The following FOXM1 variants were observed in gnomAD, a reference collection of about 807,000 sequenced individuals.
FOXM1 encodes forkhead box M1.
A neutral mutation model predicts 63.6 loss-of-function variants in FOXM1; 25 were observed. That is an observed-to-expected ratio of 0.39 (90% CI 0.29 to 0.55). FOXM1 has a LOEUF of 0.55. Ranked by LOEUF, FOXM1 falls within the 20% of genes least tolerant of loss-of-function variation. The pLI is 0.60. For missense variants in FOXM1, 879 were observed against 958.7 expected, an observed-to-expected ratio of 0.92 and a Z score of 1.10; for synonymous variants, 387 against 376.9, an observed-to-expected ratio of 1.03 and a Z score of -0.31.
intron 2 of FOXM1, 108 bp downstream of exon 2, chr12:2,873,869 T>G: frequency 7.7e-7 from 1 of 1,295,014 alleles, no homozygotes; most frequent in South Asian, 1.5e-5. Flanking sequence ...TGAGCCACTG[T>G]GCTCGGCCAG....
intron 8 of FOXM1, chr12:2,863,797 C>T (rs1325247829): frequency 6.6e-6 from 1 of 152,618 alleles, no homozygotes; most frequent in Non-Finnish European, 1.5e-5. Context: ...ACTTCCCTTC[C>T]TGGGCTCATG....
At chr12:2,865,486 T>C (rs759586830) in intron 5 of FOXM1, 87 bp from the exon 6 acceptor site, 26 of 1,091,590 alleles carry the variant, frequency 2.4e-5, no homozygotes, top group Non-Finnish European at 3.3e-5. Context: ...AAAACACTTA[T>C]TCCTGACTGA....
chr12:2,873,710 T>C (rs1418805214), intron 2 of FOXM1, among the ~76,000 whole-genome samples: 2 of 151,980 alleles, frequency 1.3e-5, no homozygotes, highest in African/African-American at 2.4e-5. Flanking sequence ...CCAGAGTAGC[T>C]GGGACTACAG....
In FOXM1 at chr12:2,859,248, A is replaced by G. The variant is rs759543718; in HGVS notation, c.1682T>C (p.Leu561Pro). Residue 561 changes from leucine to proline, a missense_variant, in exon 9 of 9, where the codon CTC (leucine) becomes CCC (proline). By Grantham distance (98) the Leu-to-Pro change is moderately conservative (BLOSUM62 -3). This residue lies in a region of FOXM1 where 486 missense variants were observed against 453.5 expected (regional missense o/e 1.07). Coordinates refer to ENST00000359843, the MANE Select transcript of FOXM1 (RefSeq NM_021953.4). The stretch of plus-strand genomic sequence containing the variant: ...GGAAGTACTGGGCCCCTCTGAGAAG[A>G]GCAGCTCCGGCTCATCCACACAGGG... ...LPPCVDEPELLFSEGPSTSRW... is the reference protein window; with the variant it reads ...LPPCVDEPELPFSEGPSTSRW... The G allele has an allele frequency of 2.5e-6, 4 of 1,613,578 alleles. No individual in the cohort carries two copies. In the African/African-American group the frequency reaches 4.0e-5, roughly 16 times the overall value.
intron 8 of FOXM1, among the ~76,000 whole-genome samples, chr12:2,860,670 C>T (rs1429119389): frequency 6.6e-6 from 1 of 150,936 alleles, no homozygotes; most frequent in Non-Finnish European, 1.5e-5. Flanking sequence ...GTCAGAAGTT[C>T]GAGACCAGCC....
rs765220332 is a variant in FOXM1 at position 2,858,788 on chromosome 12, G to T, written c.2142C>A (p.Ala714=). Residue 714 remains alanine, a synonymous_variant, in exon 9 of 9, where the codon GCC becomes GCA. Coordinates refer to ENST00000359843, the MANE Select transcript of FOXM1 (RefSeq NM_021953.4). ...CCAGGCCTTCTGTCAGAGAACGATT[G>T]GCTGCAAGGCCAGAAACCTGTGGCT... is the stretch of plus-strand genomic sequence containing the variant. ...SPEPQVSGLA[A]NRSLTEGLVL... 196 of 1,614,084 alleles carry T rather than the reference G, an allele frequency of 1.2e-4. 1 individual carries two copies. Among genetic ancestry groups the T allele is most frequent in the Non-Finnish European group, 1.6e-4 (192 of 1,180,042 alleles).
At position 2,859,474 on chromosome 12, in the gene FOXM1, C is replaced by T. The variant is rs1297238308; in HGVS notation, c.1456G>A (p.Glu486Lys). 1 of 1,613,832 alleles carries T rather than the reference C, an allele frequency of 6.2e-7. No homozygotes were observed. Among genetic ancestry groups the T allele is most frequent in the East Asian group, 2.2e-5 (1 of 44,890 alleles). Residue 486 changes from glutamate to lysine, a missense_variant, in exon 9 of 9, where the codon GAG becomes AAG. This residue lies in a region of FOXM1 where 486 missense variants were observed against 453.5 expected (regional missense o/e 1.07). Transcript: ENST00000359843. ...PIKVESPPLE[E>K]WPSPAPSFKE... ...AAAGATGGGGCCGGGGAGGGCCACT[C>T]TTCCAAGGGAGGGCTCTCCACTTTG...
chr12:2,862,219 C>T (rs1260074648), intron 8 of FOXM1, among the ~76,000 whole-genome samples: 2 of 149,670 alleles, frequency 1.3e-5, no homozygotes, highest in Non-Finnish European at 3.0e-5. Context: ...GAGAAGTATG[C>T]ACAACATGAT....
chr12:2,865,222 G>C (rs771997441), intron 6 of FOXM1, 133 bp downstream of exon 6: 18 of 790,122 alleles, frequency 2.3e-5, no homozygotes, highest in Non-Finnish European at 3.5e-5. Context: ...TCTGTGTCTA[G>C]GGCTGGCACC....
At position 2,864,859 on chromosome 12, in the gene FOXM1, T is replaced by A; in HGVS notation, c.1021-107A>T. The A allele has an allele frequency of 7.7e-7, 1 of 1,290,996 alleles. No homozygotes were observed. The highest frequency in any genetic ancestry group is 1.5e-5 in the African/African-American group (1 of 68,732). 80.0% of individuals were successfully genotyped at this position (1,290,996 alleles called of 1,614,324 possible). A position where few individuals can be genotyped will look rare whatever the true frequency, so the allele number is the denominator to read the frequency against. On this transcript the variant is annotated intron_variant, in intron 6 of 8. Coordinates refer to ENST00000359843, the MANE Select transcript of FOXM1 (RefSeq NM_021953.4). This position sits in a 1 kb window ranked among gnomAD's most constrained non-coding sequence, Gnocchi z 5.1. ...CTCTGGTGGTGTGTGCTTGAGTTAA[T>A]GACAGCCCAGAGAGAGGAGGCCAAC...
At chr12:2,860,309 C>T (rs1028954835) in intron 8 of FOXM1, among the ~76,000 whole-genome samples, 31 of 151,684 alleles carry the variant, frequency 2.0e-4, no homozygotes, top group Admixed American at 1.1e-3. Flanking sequence ...TAGTGAGATC[C>T]CATCTCTACA....
Position 2,865,339 on chromosome 12 carries a change from A to G in FOXM1, c.1020+16T>C. 4 of 1,605,446 alleles carry G rather than the reference A, an allele frequency of 2.5e-6. No individual in the cohort carries two copies. The highest frequency in any genetic ancestry group is 3.4e-6 in the Non-Finnish European group (4 of 1,175,290). ...AAAACAAGGCCAAGCCCCGAGCCAG[A>G]GGGAAAGAACCTTACTGATTCCAAG... On this transcript the variant is annotated intron_variant, in intron 6 of 8. Coordinates refer to ENST00000359843, the MANE Select transcript of FOXM1 (RefSeq NM_021953.4).
chr12:2,867,809 C>T (rs2098126089), intron 4 of FOXM1, among the ~76,000 whole-genome samples: 1 of 146,126 alleles, frequency 6.8e-6, no homozygotes, highest in East Asian at 2.1e-4. Context: ...AACACTGTCT[C>T]TACTAAAAAT....
rs2098096316 is a variant in FOXM1 at position 2,858,448 on chromosome 12, T to C, written c.*190A>G. 3.6e-6 allele frequency: 2 copies of C among 563,372 alleles called. No homozygotes were observed. The highest frequency in any genetic ancestry group is 5.1e-5 in the South Asian group (2 of 39,228). 34.9% of individuals were successfully genotyped at this position (563,372 alleles called of 1,614,324 possible). ...TGGCAGGGACAGCAGAGGAATCAGA[T>C]ACTCTTGGGGAACACAAGGTCCCAG... On this transcript the variant is annotated 3_prime_UTR_variant, in exon 9 of 9. Transcript: ENST00000359843.
chr12:2,871,165 G>A (rs962666343), intron 3 of FOXM1, among the ~76,000 whole-genome samples: 3 of 151,888 alleles, frequency 2.0e-5, no homozygotes, highest in African/African-American at 7.3e-5. Context: ...ATATACCCAT[G>A]TAACACACCT....
rs2098092360 is a variant in FOXM1, at chr12:2,857,697, TTTA to T, written c.*938_*940del. The T allele has an allele frequency of 6.5e-6, 1 of 152,942 alleles. No individual in the cohort carries two copies. Among genetic ancestry groups the T allele is most frequent in the African/African-American group, 2.4e-5 (1 of 41,448 alleles). 9.5% of individuals were successfully genotyped at this position (152,942 alleles called of 1,614,324 possible). A position where few individuals can be genotyped will look rare whatever the true frequency, so the allele number is the denominator to read the frequency against. Reference sequence around the variant, plus strand: ...AGAGCCCAGCATGTCCACCTTCGCTTTTATTGAGTAGTTAGTGTTCTCAAGCTG... The same window carrying T: ...AGAGCCCAGCATGTCCACCTTCGCTTTTGAGTAGTTAGTGTTCTCAAGCTG... On this transcript the variant is annotated 3_prime_UTR_variant, in exon 9 of 9. Transcript: ENST00000359843.
rs951600700 is a variant in FOXM1, at chr12:2,864,834, C to G, written c.1021-82G>C. The G allele has an allele frequency of 1.4e-6, 2 of 1,426,480 alleles. No homozygotes were observed. The highest frequency in any genetic ancestry group is 2.8e-5 in the African/African-American group (2 of 71,244). The allele number at this position is 1,426,480 out of a possible 1,614,324, so 88.4% of individuals were successfully genotyped here. On this transcript the variant is annotated intron_variant, in intron 6 of 8. Transcript: ENST00000359843. This position sits in a 1 kb window ranked among gnomAD's most constrained non-coding sequence, Gnocchi z 5.1. ...GGGGATGGCAAAACCCCACCAGCTG[C>G]TCTGGTGGTGTGTGCTTGAGTTAAT... is the stretch of plus-strand genomic sequence containing the variant.
chr12:2,864,354 G>A lies in FOXM1; in HGVS notation c.1232C>T (p.Ala411Val). Reference protein sequence around the residue: ...LAASLMSSELARHSKRVRIAP... With the variant: ...LAASLMSSELVRHSKRVRIAP... ...AATGCGGACTCGCTTGCTATGGCGG[G>A]CAAGCTCTGAGCTCATGAGGGAAGC... Residue 411 changes from alanine to valine, a missense_variant, in exon 8 of 9, where the codon GCC becomes GTC. Coordinates refer to ENST00000359843, the MANE Select transcript of FOXM1 (RefSeq NM_021953.4). The surrounding 1 kb of genome is among the most constrained non-coding windows in gnomAD (Gnocchi z 5.1). The A allele has an allele frequency of 6.2e-7, 1 of 1,613,360 alleles. No homozygotes were observed. The highest frequency in any genetic ancestry group is 8.5e-7 in the Non-Finnish European group (1 of 1,179,494).
chr12:2,874,203 A>G lies in FOXM1; in HGVS notation c.276T>C (p.Thr92=). Reference sequence around the variant, plus strand: ...TACTGCCACTCTCTTTTCCCTTGGCAGTCAGTGCTGTGATGATGCTGTGAA... The same window carrying G: ...TACTGCCACTCTCTTTTCCCTTGGCGGTCAGTGCTGTGATGATGCTGTGAA... ...ANIHSIITAL[T]AKGKESGSSG... is the part of the protein sequence containing the mutation. Residue 92 remains threonine, a synonymous_variant, in exon 2 of 9, where the codon ACT becomes ACC. Coordinates refer to ENST00000359843, the MANE Select transcript of FOXM1 (RefSeq NM_021953.4). The surrounding 1 kb of genome is among the most constrained non-coding windows in gnomAD (Gnocchi z 4.3). 3 of 1,614,180 alleles carry G rather than the reference A, an allele frequency of 1.9e-6. No homozygotes were observed. Among genetic ancestry groups the G allele is most frequent in the Non-Finnish European group, 2.5e-6 (3 of 1,180,044 alleles).
Sources: gnomAD v4.1 joint callset for allele counts (sites outside exome capture counted in the v4.1 genomes callset) on GRCh38, gnomAD v4.1.1 for gene constraint, gnomAD v4.1.1 regional missense constraint, Gnocchi (gnomAD v3.1) non-coding constraint, MANE v1.5 for transcripts, NCBI Gene and HGNC (gene_info 2026-07-23, HGNC 2026-07-21) for gene names.